TMEM132D: variants seen among roughly 807,000 people sequenced by gnomAD.
TMEM132D encodes transmembrane protein 132D, also known as mature OL transmembrane protein.
TMEM132D carries 21 observed loss-of-function variants against 62.3 expected under a neutral mutation model. That is an observed-to-expected ratio of 0.34 (90% confidence interval 0.24 to 0.49). The LOEUF (loss-of-function observed/expected upper bound fraction) is 0.49. Among genes scored for constraint, TMEM132D ranks in the 20% least tolerant of loss-of-function variants. The pLI is 0.99. For missense variants in TMEM132D, 1,346 were observed against 1,402.8 expected (o/e 0.96, Z 0.65); for synonymous variants, 621 against 575.6 (o/e 1.08, Z -1.13).
At chr12:129,712,568 G>T (rs1000167211) in intron 1 of TMEM132D, among the ~76,000 whole-genome samples, 1 of 152,224 alleles carries the variant, frequency 6.6e-6, no homozygotes, top group East Asian at 1.9e-4. Flanking sequence ...GTGCAGTGCA[G>T]TGGAACGGGG....
chr12:129,706,008 T>C (rs1881498371), intron 1 of TMEM132D, among the ~76,000 whole-genome samples: 2 of 152,122 alleles, frequency 1.3e-5, no homozygotes, highest in Non-Finnish European at 2.9e-5. Context: ...TAAATTTTGG[T>C]TTCTATGCTT....
At chr12:129,639,286 G>A (rs1192859376) in intron 2 of TMEM132D, among the ~76,000 whole-genome samples, 1 of 151,226 alleles carries the variant, frequency 6.6e-6, no homozygotes, top group Non-Finnish European at 1.5e-5. Context: ...GGGAGGCTGA[G>A]GCAGGAGAAT....
At chr12:129,173,287 A>G (rs1171967114) in intron 5 of TMEM132D, among the ~76,000 whole-genome samples, 2 of 152,230 alleles carry the variant, frequency 1.3e-5, no homozygotes, top group Admixed American at 6.5e-5. Flanking sequence ...AGCCTTGGAT[A>G]TAAGAAAAGT....
At chr12:129,176,325 C>G (rs1437106376) in intron 5 of TMEM132D, among the ~76,000 whole-genome samples, 1 of 152,204 alleles carries the variant, frequency 6.6e-6, no homozygotes, top group East Asian at 1.9e-4. Context: ...CAATTGGATT[C>G]CCACAACAAA....
chr12:129,881,118 T>A (rs1169192679), intron 1 of TMEM132D, among the ~76,000 whole-genome samples: 1 of 151,974 alleles, frequency 6.6e-6, no homozygotes, highest in Non-Finnish European at 1.5e-5. Context: ...AAAAAGGATA[T>A]TACATATTTA....
At chr12:129,251,192 T>C (rs550908126) in intron 4 of TMEM132D, among the ~76,000 whole-genome samples, 68 of 151,972 alleles carry the variant, frequency 4.5e-4, no homozygotes, top group South Asian at 1.0e-3. Context: ...ACCCCGTCTC[T>C]ACTAAAATAC....
intron 4 of TMEM132D, among the ~76,000 whole-genome samples, chr12:129,242,841 G>GT (rs1303553833): frequency 6.6e-6 from 1 of 152,136 alleles, no homozygotes; most frequent in African/African-American, 2.4e-5. Flanking sequence ...CGTTTAAACT[G>GT]TTATTGAGCT....
rs921940971 is a variant in TMEM132D at position 129,701,524 on chromosome 12, C to A, written c.80-826G>T. 2.0e-5 allele frequency among the ~76,000 whole-genome samples: 3 copies of A among 152,216 alleles called. No individual in the cohort carries two copies. In the East Asian group the frequency reaches 5.8e-4, roughly 29 times the overall value. ...GGGCAGCACCTCGCTTCCATGCCAG[C>A]CACATCCTGTGGACACTACGCCGTC... On this transcript the variant is annotated intron_variant, in intron 1 of 8. Transcript: ENST00000422113.
intron 2 of TMEM132D, among the ~76,000 whole-genome samples, chr12:129,677,648 A>G (rs1880664816): frequency 6.6e-6 from 1 of 152,198 alleles, no homozygotes; most frequent in South Asian, 2.1e-4. Context: ...GTATTAGAAC[A>G]TTAACAGAAA....
intron 4 of TMEM132D, among the ~76,000 whole-genome samples, chr12:129,241,150 C>CAAA (rs35152074): frequency 1.2e-4 from 11 of 95,600 alleles, no homozygotes; most frequent in South Asian, 3.5e-4. Context: ...CCTCTTACCT[C>CAAA]AAAAAAAAAA....
At chr12:129,244,603 TTA>T (rs1880042512) in intron 4 of TMEM132D, among the ~76,000 whole-genome samples, 1 of 151,432 alleles carries the variant, frequency 6.6e-6, no homozygotes, top group Admixed American at 6.6e-5. Flanking sequence ...TGGTGTTTTT[TTA>T]TGTTTGTTTG....
At position 129,827,262 on chromosome 12, in the gene TMEM132D, A is replaced by G. The variant is rs1872686540; in HGVS notation, c.79+75999T>C. 6.6e-6 allele frequency among the ~76,000 whole-genome samples: 1 copy of G among 152,184 alleles called. No individual in the cohort carries two copies. Among genetic ancestry groups the G allele is most frequent in the Non-Finnish European group, 1.5e-5 (1 of 68,038 alleles). The stretch of plus-strand genomic sequence containing the variant: ...TATGATTATTCCCATTTTGCAGATG[A>G]AGACACTGAGGCTTGAAGAAACTAA... On this transcript the variant is annotated intron_variant, in intron 1 of 8. Coordinates refer to ENST00000422113, the MANE Select transcript of TMEM132D (RefSeq NM_133448.3). This position sits in a 1 kb window ranked among gnomAD's most constrained non-coding sequence, Gnocchi z 9.7.
chr12:129,184,674 C>T (rs1204001073), intron 5 of TMEM132D, among the ~76,000 whole-genome samples: 4 of 152,202 alleles, frequency 2.6e-5, no homozygotes, highest in African/African-American at 4.8e-5. Context: ...TGCGCTCTGG[C>T]GCCTGCGGCT....
At chr12:129,507,219 G>T (rs554875217) in intron 3 of TMEM132D, among the ~76,000 whole-genome samples, 2 of 152,158 alleles carry the variant, frequency 1.3e-5, no homozygotes, top group Admixed American at 6.6e-5. Context: ...AATAGATGTT[G>T]GTGTGGAAGT....
intron 3 of TMEM132D, among the ~76,000 whole-genome samples, chr12:129,529,109 C>T (rs1876141846): frequency 6.6e-6 from 1 of 152,068 alleles, no homozygotes; most frequent in African/African-American, 2.4e-5. Context: ...TTCCATCATC[C>T]AGACCCATAG....
chr12:129,091,497 C>G (rs1446911657), intron 5 of TMEM132D, among the ~76,000 whole-genome samples: 2 of 150,306 alleles, frequency 1.3e-5, no homozygotes, highest in South Asian at 4.3e-4. Flanking sequence ...CCTATGCTCA[C>G]CTGGGCTCTG....
At chr12:129,515,846 G>A (rs1875658080) in intron 3 of TMEM132D, among the ~76,000 whole-genome samples, 1 of 152,108 alleles carries the variant, frequency 6.6e-6, no homozygotes, top group Non-Finnish European at 1.5e-5. Context: ...TTTTCCCTGG[G>A]TCTTTGGATT....
intron 5 of TMEM132D, among the ~76,000 whole-genome samples, chr12:129,190,727 C>T (rs531173117): frequency 1.3e-5 from 2 of 152,304 alleles, no homozygotes; most frequent in East Asian, 1.9e-4. Flanking sequence ...TTTAGCCCAG[C>T]GCAACTCAGG....
At chr12:129,681,503 T>A (rs1880778179) in intron 2 of TMEM132D, 1 of 152,222 alleles carries the variant, frequency 6.6e-6, no homozygotes, top group African/African-American at 2.4e-5. Flanking sequence ...TTCCTCTCCA[T>A]GTAGTCTCAG....
Sources: gnomAD v4.1 joint callset for allele counts (sites outside exome capture counted in the v4.1 genomes callset) on GRCh38, gnomAD v4.1.1 for gene constraint, Gnocchi (gnomAD v3.1) non-coding constraint, MANE v1.5 for transcripts, NCBI Gene and HGNC (gene_info 2026-07-23, HGNC 2026-07-21) for gene names.